RIPOR3: variants seen among roughly 807,000 people sequenced by gnomAD.
RIPOR3 encodes family with sequence similarity 65 member C.
In RIPOR3, 95 loss-of-function variants were observed where a neutral mutation model predicts 114.3. The observed-to-expected ratio is 0.83, with a 90% confidence interval of 0.70 to 0.99. The LOEUF (loss-of-function observed/expected upper bound fraction) is 0.99, where lower values mean the gene tolerates loss of function less well. Among genes scored for constraint, RIPOR3 ranks in the 50% least tolerant of loss-of-function variants. The pLI is 0.00. For missense variants in RIPOR3, 1,252 were observed against 1,266.9 expected, an observed-to-expected ratio of 0.99 and a Z score of 0.18; for synonymous variants, 575 against 543.8, an observed-to-expected ratio of 1.06 and a Z score of -0.80.
chr20:50,625,685 G>A (rs1260973721), intron 2 of RIPOR3, among the ~76,000 whole-genome samples: 1 of 152,170 alleles, frequency 6.6e-6, no homozygotes, highest in Non-Finnish European at 1.5e-5. Context: ...GACTGCCTGG[G>A]GGAGGGAGAC....
chr20:50,660,950 T>C (rs931813579), intron 1 of RIPOR3, among the ~76,000 whole-genome samples: 2 of 151,568 alleles, frequency 1.3e-5, no homozygotes, highest in Non-Finnish European at 2.9e-5. Context: ...AAAAAAATTT[T>C]GTAGAGGCCG....
chr20:50,676,070 A>G lies in RIPOR3; in HGVS notation c.3+15056T>C, dbSNP rs117562926. Reference sequence around the variant, plus strand: ...ACCACACAACAGCGAAGATTCCATAAGGGCAGGAGTGTTTTTCCACCAGGA... The same window carrying G: ...ACCACACAACAGCGAAGATTCCATAGGGGCAGGAGTGTTTTTCCACCAGGA... On this transcript the variant is annotated intron_variant, in intron 1 of 21. Coordinates refer to ENST00000327979, the MANE Select transcript of RIPOR3 (RefSeq NM_001290268.2). 6.7e-3 allele frequency among the ~76,000 whole-genome samples: 1,014 copies of G among 152,328 alleles called. 9 individuals carry two copies. Among genetic ancestry groups the G allele is most frequent in the Non-Finnish European group, 0.01 (693 of 68,030 alleles).
intron 1 of RIPOR3, among the ~76,000 whole-genome samples, chr20:50,677,050 G>A (rs565764748): frequency 7.9e-5 from 12 of 152,290 alleles, no homozygotes; most frequent in African/African-American, 2.6e-4. Context: ...TAAATGCAAA[G>A]CAATATGTGC....
chr20:50,596,119 C>G (rs778280983), intron 15 of RIPOR3, 21 bp downstream of exon 15: 1 of 1,613,958 alleles, frequency 6.2e-7, no homozygotes, highest in South Asian at 1.1e-5. Flanking sequence ...CCCTCCCTGA[C>G]AAGTCCCCTA....
At chr20:50,642,453 T>C (rs980922447) in intron 1 of RIPOR3, among the ~76,000 whole-genome samples, 1 of 152,020 alleles carries the variant, frequency 6.6e-6, no homozygotes, top group East Asian at 1.9e-4. Flanking sequence ...GTTTTCCTTC[T>C]GTGTTTTACA....
At chr20:50,616,925 A>G (rs764962037) in intron 3 of RIPOR3, among the ~76,000 whole-genome samples, 16 of 152,078 alleles carry the variant, frequency 1.1e-4, no homozygotes, top group Non-Finnish European at 2.2e-4. Context: ...GGCGGATCAC[A>G]AGGTCAGGTA....
At position 50,671,639 on chromosome 20, in the gene RIPOR3, C is replaced by A. The variant is rs75209025; in HGVS notation, c.3+19487G>T. 7.7e-4 allele frequency among the ~76,000 whole-genome samples: 118 copies of A among 152,286 alleles called. 1 individual carries two copies. Among genetic ancestry groups the A allele is most frequent in the African/African-American group, 2.7e-3 (113 of 41,552 alleles). On this transcript the variant is annotated intron_variant, in intron 1 of 21. Coordinates refer to ENST00000327979, the MANE Select transcript of RIPOR3 (RefSeq NM_001290268.2). ...CAGTTCTTAACCTGTATGTGTGTAC[C>A]CTCATCTGAAAATGGGCATAATAGC...
intron 13 of RIPOR3, among the ~76,000 whole-genome samples, chr20:50,600,917 C>G (rs146126811): frequency 6.6e-6 from 1 of 152,074 alleles, no homozygotes; most frequent in Non-Finnish European, 1.5e-5. Flanking sequence ...ACTTTTTTTC[C>G]CCTATGTTGA....
chr20:50,625,987 G>A (rs892972129), intron 2 of RIPOR3, among the ~76,000 whole-genome samples: 1 of 152,228 alleles, frequency 6.6e-6, no homozygotes, highest in Non-Finnish European at 1.5e-5. Flanking sequence ...CAGAGTAGGG[G>A]TCAAGGTGGT....
chr20:50,666,914 C>T (rs994809055), intron 1 of RIPOR3, among the ~76,000 whole-genome samples: 8 of 152,144 alleles, frequency 5.3e-5, no homozygotes, highest in African/African-American at 1.9e-4. Flanking sequence ...CATGATCCCT[C>T]CTGGGGAGCT....
In RIPOR3 at chr20:50,630,808, CT is replaced by C; in HGVS notation, c.51del (p.Ala19ProfsTer31). On this transcript the variant is annotated frameshift_variant, in exon 2 of 22. Transcript: ENST00000327979. LOFTEE classifies it high-confidence loss of function. ...CTCCGGCCCACGACCCCCACGGCCC[CT>C]GTGTCCCCAGGGGACAGGAACCGCA... ...VRLRFLSPGD[T>X]GAVGVVGRSA... The C allele has an allele frequency of 6.2e-7, 1 of 1,611,620 alleles. No individual in the cohort carries two copies. Among genetic ancestry groups the C allele is most frequent in the Non-Finnish European group, 8.5e-7 (1 of 1,179,296 alleles).
chr20:50,677,103 T>G (rs1368672785), intron 1 of RIPOR3, among the ~76,000 whole-genome samples: 1 of 152,124 alleles, frequency 6.6e-6, no homozygotes, highest in Non-Finnish European at 1.5e-5. Context: ...GGGATACATA[T>G]CATTAGCACC....
intron 1 of RIPOR3, among the ~76,000 whole-genome samples, chr20:50,690,584 A>T (rs145150932): frequency 6.6e-6 from 1 of 152,276 alleles, no homozygotes; most frequent in East Asian, 1.9e-4. Flanking sequence ...TTGCAGAACC[A>T]TGGAGCACAG....
At chr20:50,655,778 G>GA (rs540366763) in intron 1 of RIPOR3, among the ~76,000 whole-genome samples, 35 of 151,680 alleles carry the variant, frequency 2.3e-4, no homozygotes, top group African/African-American at 7.7e-4. Flanking sequence ...TCTTTAACCA[G>GA]AAAAAAGATG....
chr20:50,630,037 G>A lies in RIPOR3; in HGVS notation c.122+701C>T, dbSNP rs562877671. Among the ~76,000 whole-genome samples, 148 of 151,712 alleles carry A rather than the reference G, an allele frequency of 9.8e-4. 2 individuals are homozygous for A. In the South Asian group the frequency reaches 0.014, roughly 14 times the overall value. On this transcript the variant is annotated intron_variant, in intron 2 of 21. Transcript: ENST00000327979. ...GGCTGGAGTGCAGTGGTGTGATCTC[G>A]GTACACTGCAACCTCCACCTCCTGG...
intron 11 of RIPOR3, among the ~76,000 whole-genome samples, chr20:50,606,421 AC>A (rs2083716749): frequency 6.6e-6 from 1 of 151,728 alleles, no homozygotes; most frequent in Non-Finnish European, 1.5e-5. Flanking sequence ...AAAAGGAAAA[AC>A]CCCGTCTCCC....
chr20:50,642,833 G>A (rs933160216), intron 1 of RIPOR3, among the ~76,000 whole-genome samples: 19 of 152,066 alleles, frequency 1.2e-4, no homozygotes, highest in African/African-American at 4.6e-4. Flanking sequence ...CAGATCACCT[G>A]AGGTCAGGAG....
Position 50,611,364 on chromosome 20 carries a change from A to G in RIPOR3, c.349-160T>C, listed in dbSNP as rs1180027883. ...CCACTCCTTCCTCTGCCAACGGCAG[A>G]CTGCTGTCCACGCCAAGGACAGCAC... On this transcript the variant is annotated intron_variant, in intron 4 of 21. Transcript: ENST00000327979. Among the ~76,000 whole-genome samples, 4 of 152,314 alleles carry G rather than the reference A, an allele frequency of 2.6e-5. No individual in the cohort carries two copies. The East Asian group carries it at 7.7e-4, about 29-fold the overall frequency.
At chr20:50,633,817 G>A (rs940132294) in intron 1 of RIPOR3, among the ~76,000 whole-genome samples, 6 of 152,148 alleles carry the variant, frequency 3.9e-5, no homozygotes, top group African/African-American at 1.4e-4. Context: ...ACTAAGGCTC[G>A]GAGCAGACCT....
Sources: allele counts gnomAD v4.1 joint callset (sites outside exome capture counted in the v4.1 genomes callset), GRCh38; gene constraint gnomAD v4.1.1; transcripts MANE v1.5; gene names NCBI Gene and HGNC (gene_info 2026-07-23, HGNC 2026-07-21).